The following DGKB variants were observed in gnomAD, a reference collection of about 807,000 sequenced individuals.
DGKB encodes the protein 90 kDa diacylglycerol kinase.
Under a neutral mutation model 114.3 loss-of-function variants are expected in DGKB, and 67 were observed. The observed-to-expected ratio is 0.59, with a 90% CI of 0.48 to 0.72. DGKB has a LOEUF of 0.72. DGKB is among the 30% of genes least tolerant of loss of function. DGKB has a pLI of 0.00. For synonymous variants in DGKB, 398 were observed against 323.1 expected (o/e 1.23, Z -2.49); for missense variants, 907 against 975.2 (o/e 0.93, Z 0.93).
chr7:14,450,850 A>G (rs942028737), intron 21 of DGKB, among the ~76,000 whole-genome samples: 2 of 152,054 alleles, frequency 1.3e-5, no homozygotes, highest in Admixed American at 6.6e-5. Context: ...CTCTTGAACA[A>G]TGTGGACTCA....
At chr7:14,387,248 T>C (rs911814064) in intron 21 of DGKB, among the ~76,000 whole-genome samples, 2 of 151,592 alleles carry the variant, frequency 1.3e-5, no homozygotes, top group African/African-American at 4.8e-5. Flanking sequence ...ATGGTGAAAC[T>C]CCGTCTCTAC....
intron 5 of DGKB, among the ~76,000 whole-genome samples, chr7:14,719,071 A>G (rs895031898): frequency 6.6e-6 from 1 of 152,206 alleles, no homozygotes; most frequent in Non-Finnish European, 1.5e-5. Context: ...TTCACAAAAT[A>G]CTAAAGAAAA....
intron 12 of DGKB, among the ~76,000 whole-genome samples, chr7:14,675,047 G>A (rs1033905026): frequency 1.1e-4 from 17 of 152,238 alleles, no homozygotes; most frequent in African/African-American, 3.9e-4. Context: ...ATGTCACAGA[G>A]AAAGAGCTTT....
intron 21 of DGKB, among the ~76,000 whole-genome samples, chr7:14,397,120 C>T (rs1000898209): frequency 1.3e-5 from 2 of 152,074 alleles, no homozygotes; most frequent in South Asian, 2.1e-4. Flanking sequence ...CATGTTTTCT[C>T]GCAATTTTAC....
At chr7:14,289,506 T>C (rs1584954999) in intron 23 of DGKB, among the ~76,000 whole-genome samples, 1 of 152,238 alleles carries the variant, frequency 6.6e-6, no homozygotes, top group East Asian at 1.9e-4. Context: ...CACATTCTAT[T>C]TAGAAGATGA....
rs142426293 is a variant in DGKB, at chr7:14,455,271, A to G, written c.1835+22890T>C. 1.9e-4 allele frequency among the ~76,000 whole-genome samples: 29 copies of G among 152,164 alleles called. No individual in the cohort carries two copies. The East Asian group carries it at 5.4e-3, about 28-fold the overall frequency. ...TTGGAACATTCTGAATGGAATTAAA[A>G]TGCATTTCATTGGTGTGGAATCATG... On this transcript the variant is annotated intron_variant, in intron 21 of 25. Transcript: ENST00000402815.
At chr7:14,345,260 C>T in intron 22 of DGKB, 41 bp downstream of exon 22, 2 of 1,160,594 alleles carry the variant, frequency 1.7e-6, no homozygotes, top group Non-Finnish European at 2.5e-6. Flanking sequence ...AAGCTCAAGC[C>T]ATTTCATCAT....
intron 25 of DGKB, among the ~76,000 whole-genome samples, chr7:14,161,437 G>C (rs1261349148): frequency 6.6e-6 from 1 of 152,128 alleles, no homozygotes; most frequent in Non-Finnish European, 1.5e-5. Flanking sequence ...TGATAGACTG[G>C]ATAAAGAAAA....
intron 20 of DGKB, among the ~76,000 whole-genome samples, chr7:14,515,366 T>A (rs1788621927): frequency 1.3e-5 from 2 of 152,206 alleles, no homozygotes; most frequent in Non-Finnish European, 1.5e-5. Context: ...GATCTCATAA[T>A]AAGGAAAAAA....
chr7:14,791,068 C>A (rs920944510), intron 2 of DGKB, among the ~76,000 whole-genome samples: 1 of 152,030 alleles, frequency 6.6e-6, no homozygotes, highest in Non-Finnish European at 1.5e-5. Flanking sequence ...TATGCTAAAG[C>A]GATCCTCCTA....
intron 5 of DGKB, among the ~76,000 whole-genome samples, chr7:14,724,976 C>A (rs1012437154): frequency 6.6e-6 from 1 of 152,120 alleles, no homozygotes; most frequent in African/African-American, 2.4e-5. Flanking sequence ...TTGAGCCCAA[C>A]CTGGGCAAAA....
intron 17 of DGKB, among the ~76,000 whole-genome samples, chr7:14,585,135 G>C (rs953199486): frequency 6.6e-6 from 1 of 152,010 alleles, no homozygotes; most frequent in Admixed American, 6.6e-5. Context: ...TGGATATTTA[G>C]AACAGGAAAC....
intron 4 of DGKB, among the ~76,000 whole-genome samples, chr7:14,753,174 A>T (rs1042199683): frequency 2.6e-5 from 4 of 152,212 alleles, no homozygotes; most frequent in African/African-American, 9.6e-5. Flanking sequence ...ACAATTTAAG[A>T]ATAAGAAGAA....
intron 21 of DGKB, among the ~76,000 whole-genome samples, chr7:14,476,902 C>A (rs1360479088): frequency 6.6e-6 from 1 of 151,754 alleles, no homozygotes; most frequent in East Asian, 1.9e-4. Context: ...TTACAGGCAC[C>A]CACCACCACG....
chr7:14,572,470 A>C (rs59012467), intron 20 of DGKB, among the ~76,000 whole-genome samples: 1 of 151,806 alleles, frequency 6.6e-6, no homozygotes, highest in African/African-American at 2.4e-5. Context: ...AGAAAAAAAA[A>C]AGAATAAAGT....
intron 23 of DGKB, among the ~76,000 whole-genome samples, chr7:14,194,441 G>A (rs1258787577): frequency 6.6e-6 from 1 of 152,092 alleles, no homozygotes; most frequent in Middle Eastern, 3.2e-3. Flanking sequence ...AAATAAGCCA[G>A]ACACAGAATG....
intron 1 of DGKB, among the ~76,000 whole-genome samples, chr7:14,940,396 T>A (rs916777055): frequency 2.6e-5 from 4 of 151,948 alleles, no homozygotes; most frequent in Non-Finnish European, 4.4e-5. Flanking sequence ...CAAAATGTAA[T>A]AATTGAGTAC....
intron 23 of DGKB, among the ~76,000 whole-genome samples, chr7:14,244,573 G>A (rs1221830761): frequency 6.6e-6 from 1 of 151,416 alleles, no homozygotes; most frequent in East Asian, 2.0e-4. Flanking sequence ...GGGAGGCTGA[G>A]GCAGGGGAAT....
At chr7:14,727,396 T>C (rs1008266002) in intron 5 of DGKB, among the ~76,000 whole-genome samples, 1 of 152,050 alleles carries the variant, frequency 6.6e-6, no homozygotes, top group Non-Finnish European at 1.5e-5. Context: ...AAGGAAGAGG[T>C]TGGCAGGATA....
Sources: allele counts gnomAD v4.1 joint callset (sites outside exome capture counted in the v4.1 genomes callset), GRCh38; gene constraint gnomAD v4.1.1; transcripts MANE v1.5; gene names NCBI Gene and HGNC (gene_info 2026-07-23, HGNC 2026-07-21).